The following SLC25A13 variants were observed in gnomAD, a reference collection of about 807,000 sequenced individuals.
SLC25A13 encodes the protein electrogenic aspartate/glutamate antiporter SLC25A13, mitochondrial.
A neutral mutation model predicts 85.5 loss-of-function variants in SLC25A13; 70 were observed. That is an observed-to-expected ratio of 0.82 (90% CI 0.68 to 1.00). The LOEUF is 1.00. SLC25A13 is among the 50% of genes least tolerant of loss of function. The probability of loss-of-function intolerance (pLI) is 0.00; values close to 1 mark genes in which losing one functional copy is unlikely to be tolerated. For synonymous variants in SLC25A13, 259 were observed against 288.7 expected (o/e 0.90, Z 1.04); for missense variants, 765 against 819.8 (o/e 0.93, Z 0.82).
At chr7:96,239,988 A>C (rs1464687324) in intron 3 of SLC25A13, among the ~76,000 whole-genome samples, 1 of 152,198 alleles carries the variant, frequency 6.6e-6, no homozygotes, top group African/African-American at 2.4e-5. Flanking sequence ...ACACAATGTA[A>C]ATATTAATCA....
chr7:96,254,430 G>C (rs1294708732), intron 3 of SLC25A13, among the ~76,000 whole-genome samples: 2 of 152,192 alleles, frequency 1.3e-5, no homozygotes, highest in Non-Finnish European at 2.9e-5. Context: ...CAGATCTCCA[G>C]CTTGCAGACA....
intron 3 of SLC25A13, among the ~76,000 whole-genome samples, chr7:96,270,676 G>A (rs1314541862): frequency 6.6e-6 from 1 of 152,082 alleles, no homozygotes; most frequent in Non-Finnish European, 1.5e-5. Context: ...ATCAGCCTGG[G>A]CAACAGAGCA....
chr7:96,198,281 A>C (rs1033266311), intron 5 of SLC25A13, among the ~76,000 whole-genome samples: 1 of 152,212 alleles, frequency 6.6e-6, no homozygotes, highest in Non-Finnish European at 1.5e-5. Flanking sequence ...GAGGTCATGA[A>C]TGACAGGCAT....
intron 4 of SLC25A13, among the ~76,000 whole-genome samples, chr7:96,221,080 C>T (rs1339774088): frequency 6.6e-6 from 1 of 152,206 alleles, no homozygotes; most frequent in East Asian, 1.9e-4. Context: ...ATCCCACCAA[C>T]TGGAAGTGCT....
chr7:96,289,642 T>A (rs1215167692), intron 2 of SLC25A13, among the ~76,000 whole-genome samples: 1 of 152,072 alleles, frequency 6.6e-6, no homozygotes, highest in Non-Finnish European at 1.5e-5. Context: ...TTCGATCAAC[T>A]GGAAGAAAGG....
intron 4 of SLC25A13, among the ~76,000 whole-genome samples, chr7:96,233,309 G>A (rs552995898): frequency 6.6e-6 from 1 of 152,298 alleles, no homozygotes; most frequent in African/African-American, 2.4e-5. Context: ...ATAACACCAT[G>A]AGCTAGCTGC....
intron 14 of SLC25A13, among the ~76,000 whole-genome samples, chr7:96,140,259 G>C (rs1792476570): frequency 6.6e-6 from 1 of 151,414 alleles, no homozygotes; most frequent in Non-Finnish European, 1.5e-5. Flanking sequence ...CGCCCGGCCT[G>C]ATTTCCATTC....
intron 13 of SLC25A13, among the ~76,000 whole-genome samples, chr7:96,150,070 T>C (rs938817963): frequency 2.6e-5 from 4 of 152,074 alleles, no homozygotes; most frequent in African/African-American, 9.7e-5. Flanking sequence ...TGGCTCAGTG[T>C]GGCATATTAT....
chr7:96,268,638 A>G (rs193136430), intron 3 of SLC25A13, among the ~76,000 whole-genome samples: 21 of 152,370 alleles, frequency 1.4e-4, no homozygotes, highest in Admixed American at 7.8e-4. Flanking sequence ...AACAAAGAGT[A>G]TTAACAGCAA....
At chr7:96,145,984 C>A (rs1191455287) in intron 14 of SLC25A13, among the ~76,000 whole-genome samples, 8 of 151,960 alleles carry the variant, frequency 5.3e-5, no homozygotes, top group African/African-American at 1.7e-4. Flanking sequence ...TTTGATAAAG[C>A]CTTATAGGTT....
At chr7:96,291,381 G>C (rs1477164458) in intron 2 of SLC25A13, among the ~76,000 whole-genome samples, 1 of 152,124 alleles carries the variant, frequency 6.6e-6, no homozygotes, top group Non-Finnish European at 1.5e-5. Context: ...AGAGAAGCAA[G>C]AGCAAACACA....
At chr7:96,152,541 G>C (rs1793092355) in intron 13 of SLC25A13, among the ~76,000 whole-genome samples, 1 of 152,142 alleles carries the variant, frequency 6.6e-6, no homozygotes, top group African/African-American at 2.4e-5. Context: ...CTCAAAGAAA[G>C]GATCCAAGTT....
chr7:96,189,166 A>C (rs1794746153), intron 9 of SLC25A13, 128 bp downstream of exon 9: 1 of 790,352 alleles, frequency 1.3e-6, no homozygotes, highest in South Asian at 1.5e-5. Flanking sequence ...ATTTATCGAG[A>C]GTTTTGGTGC....
chr7:96,275,051 C>A (rs1242920835), intron 3 of SLC25A13, among the ~76,000 whole-genome samples: 2 of 152,168 alleles, frequency 1.3e-5, no homozygotes, highest in African/African-American at 2.4e-5. Context: ...TGAAGAAAGT[C>A]ATTGGTAGCT....
At chr7:96,239,049 ATATATATATATATATATATG>A (rs1796862350) in intron 3 of SLC25A13, among the ~76,000 whole-genome samples, 1 of 145,296 alleles carries the variant, frequency 6.9e-6, no homozygotes, top group African/African-American at 2.5e-5. Flanking sequence ...ATATATATAT[ATATATATATATATATATATG>A]TATGTATGTA....
intron 13 of SLC25A13, among the ~76,000 whole-genome samples, chr7:96,147,461 T>C (rs555742150): frequency 6.6e-6 from 1 of 152,304 alleles, no homozygotes; most frequent in South Asian, 2.1e-4. Context: ...ACCTCCAAGA[T>C]CATCAGTGAA....
chr7:96,199,970 C>T (rs1213836836), intron 5 of SLC25A13, among the ~76,000 whole-genome samples: 2 of 151,782 alleles, frequency 1.3e-5, no homozygotes, highest in African/African-American at 4.8e-5. Context: ...TGTGCTTTAG[C>T]CTGAGAACAA....
chr7:96,303,251 C>A (rs959757130), intron 1 of SLC25A13, among the ~76,000 whole-genome samples: 1 of 152,122 alleles, frequency 6.6e-6, no homozygotes, highest in Non-Finnish European at 1.5e-5. Context: ...CAAGCACAGA[C>A]TTACACTGAA....
At chr7:96,274,277 C>A (rs150296586) in intron 3 of SLC25A13, among the ~76,000 whole-genome samples, 1,716 of 151,340 alleles carry the variant, frequency 0.011, 31 homozygotes, top group African/African-American at 0.04. Flanking sequence ...AGTATTTTTT[C>A]ATGTGTCTTT....
Sources: gnomAD v4.1 joint callset for allele counts (sites outside exome capture counted in the v4.1 genomes callset) on GRCh38, gnomAD v4.1.1 for gene constraint, MANE v1.5 for transcripts, NCBI Gene and HGNC (gene_info 2026-07-23, HGNC 2026-07-21) for gene names.